Variants in KIAA0825 observed in about 807,000 individuals in gnomAD.
The protein encoded by KIAA0825 is uncharacterized protein KIAA0825.
Under a neutral mutation model 147.6 loss-of-function variants are expected in KIAA0825, and 119 were observed. That is an observed-to-expected ratio of 0.81 (90% confidence interval 0.69 to 0.94). The LOEUF (loss-of-function observed/expected upper bound fraction) is 0.94, where lower values mean the gene tolerates loss of function less well. KIAA0825 is among the 40% of genes least tolerant of loss of function. The pLI is 0.00. For missense variants in KIAA0825, 1,381 were observed against 1,472.7 expected (o/e 0.94, Z 1.02); for synonymous variants, 470 against 518.1 (o/e 0.91, Z 1.26).
At chr5:94,481,298 C>T (rs942173416) in intron 6 of KIAA0825, among the ~76,000 whole-genome samples, 2 of 152,056 alleles carry the variant, frequency 1.3e-5, no homozygotes, top group African/African-American at 2.4e-5. Context: ...TCTACACTGC[C>T]GCTTTCTTTC....
rs771486226 is a variant in KIAA0825, at chr5:94,182,250, CTT to C, written c.3711-28128_3711-28127del. ...CAAGACATAACTTAAAATGTCCCTT[CTT>C]TTTTTTTTTTTTTTTTTTTTTTTTT... On this transcript the variant is annotated intron_variant, in intron 20 of 20. Transcript: ENST00000682413. Among the ~76,000 whole-genome samples, 148 of 38,278 alleles carry C rather than the reference CTT, an allele frequency of 3.9e-3. 1 individual carries two copies. The highest frequency in any genetic ancestry group is 7.2e-3 in the South Asian group (4 of 556). 25.1% of individuals were successfully genotyped at this position (38,278 alleles called of 152,430 possible).
chr5:94,314,298 C>G (rs1779448837), intron 20 of KIAA0825, among the ~76,000 whole-genome samples: 1 of 151,598 alleles, frequency 6.6e-6, no homozygotes, highest in Non-Finnish European at 1.5e-5. Context: ...CCACATACAC[C>G]TCACATGGAT....
intron 20 of KIAA0825, among the ~76,000 whole-genome samples, chr5:94,200,735 A>C (rs570198591): frequency 6.6e-6 from 1 of 151,840 alleles, no homozygotes; most frequent in Non-Finnish European, 1.5e-5. Flanking sequence ...AAATGAAGCA[A>C]AACAAACCAA....
At chr5:94,315,211 C>T (rs1315430846) in intron 20 of KIAA0825, among the ~76,000 whole-genome samples, 1 of 151,544 alleles carries the variant, frequency 6.6e-6, no homozygotes, top group African/African-American at 2.4e-5. Flanking sequence ...CATACAAATA[C>T]TAAAAAGGCG....
intron 20 of KIAA0825, among the ~76,000 whole-genome samples, chr5:94,383,667 T>C (rs1379665790): frequency 6.6e-6 from 1 of 152,172 alleles, no homozygotes; most frequent in Non-Finnish European, 1.5e-5. Context: ...ACTGAAACTT[T>C]AAGTATTTAA....
chr5:94,502,515 G>T (rs1445127141), intron 5 of KIAA0825, among the ~76,000 whole-genome samples: 1 of 152,078 alleles, frequency 6.6e-6, no homozygotes. Context: ...TCTTATATGT[G>T]CATAAGAAAA....
rs146395295 is a variant in KIAA0825, at chr5:94,599,924, C to G, written c.-152-17341G>C. Among the ~76,000 whole-genome samples, 892 of 152,200 alleles carry G rather than the reference C, an allele frequency of 5.9e-3. 7 individuals carry two copies. Among genetic ancestry groups the G allele is most frequent in the African/African-American group, 0.02 (825 of 41,526 alleles). ...AACTCTAGATTAAGATCAATACTGT[C>G]ATGTGTTGTCCACCCCCCCAAAAAA... On this transcript the variant is annotated intron_variant, in intron 1 of 20. Transcript: ENST00000682413.
intron 5 of KIAA0825, among the ~76,000 whole-genome samples, chr5:94,511,587 A>G (rs1197402055): frequency 1.3e-5 from 2 of 151,342 alleles, no homozygotes; most frequent in Non-Finnish European, 3.0e-5. Flanking sequence ...GCCATTGCAC[A>G]CTCCAGCCCA....
chr5:94,197,602 T>C (rs1771253904), intron 20 of KIAA0825, among the ~76,000 whole-genome samples: 1 of 152,220 alleles, frequency 6.6e-6, no homozygotes, highest in Non-Finnish European at 1.5e-5. Context: ...TTTATAGTTT[T>C]AGGTCTTACA....
At position 94,329,366 on chromosome 5, in the gene KIAA0825, C is replaced by T. The variant is rs563508779; in HGVS notation, c.3710+55002G>A. On this transcript the variant is annotated intron_variant, in intron 20 of 20. Coordinates refer to ENST00000682413, the MANE Select transcript of KIAA0825 (RefSeq NM_001145678.3). The stretch of plus-strand genomic sequence containing the variant: ...AAAACTTTCCAGAAAAAATGTGAGA[C>T]TTGAATATACAGATTGAAAGGACAT... 1.8e-4 allele frequency among the ~76,000 whole-genome samples: 28 copies of T among 152,114 alleles called. No individual in the cohort carries two copies. In the East Asian group the frequency reaches 5.4e-3, roughly 29 times the overall value.
chr5:94,574,986 G>A (rs1329228073), intron 2 of KIAA0825, among the ~76,000 whole-genome samples: 2 of 152,094 alleles, frequency 1.3e-5, no homozygotes, highest in Non-Finnish European at 2.9e-5. Flanking sequence ...CATCAACTGG[G>A]GGCCCTTGTA....
At chr5:94,438,561 C>T (rs1861806) in intron 14 of KIAA0825, among the ~76,000 whole-genome samples, 65,972 of 151,510 alleles carry the variant, frequency 0.44, 14,641 homozygotes, top group Middle Eastern at 0.5. Flanking sequence ...GCCTTTCTGC[C>T]TGGAACACAG....
chr5:94,605,508 A>C (rs1371543019), intron 1 of KIAA0825, among the ~76,000 whole-genome samples: 1 of 152,190 alleles, frequency 6.6e-6, no homozygotes, highest in Non-Finnish European at 1.5e-5. Context: ...TCAGTGCAAA[A>C]ATCATCAAAA....
intron 12 of KIAA0825, among the ~76,000 whole-genome samples, chr5:94,458,153 T>G (rs1458258374): frequency 6.6e-6 from 1 of 152,156 alleles, no homozygotes; most frequent in Admixed American, 6.5e-5. Flanking sequence ...AGTAGCTACT[T>G]CACTTTCAAA....
intron 12 of KIAA0825, among the ~76,000 whole-genome samples, chr5:94,453,744 T>A (rs1277917379): frequency 6.6e-6 from 1 of 152,122 alleles, no homozygotes; most frequent in Non-Finnish European, 1.5e-5. Flanking sequence ...GACAAAACGA[T>A]GAAGAATAGT....
At chr5:94,407,742 T>A (rs1003233984) in intron 15 of KIAA0825, among the ~76,000 whole-genome samples, 10 of 152,154 alleles carry the variant, frequency 6.6e-5, no homozygotes, top group Non-Finnish European at 1.3e-4. Context: ...TGGTCTAAAA[T>A]TAAATGGTGC....
chr5:94,330,836 T>A (rs1453563905), intron 20 of KIAA0825, among the ~76,000 whole-genome samples: 6 of 151,954 alleles, frequency 3.9e-5, no homozygotes, highest in African/African-American at 1.5e-4. Flanking sequence ...CTTACTACTA[T>A]CAGAAATGAA....
intron 20 of KIAA0825, among the ~76,000 whole-genome samples, chr5:94,271,445 TGATCAAAA>T (rs1320062896): frequency 6.6e-6 from 1 of 152,114 alleles, no homozygotes; most frequent in African/African-American, 2.4e-5. Context: ...CATTTAAAAA[TGATCAAAA>T]GATCTGAATA....
intron 20 of KIAA0825, among the ~76,000 whole-genome samples, chr5:94,357,872 A>G (rs1337884962): frequency 2.6e-5 from 4 of 152,134 alleles, no homozygotes; most frequent in Non-Finnish European, 4.4e-5. Flanking sequence ...AAGTAACATG[A>G]ATGTAGTTTT....
Sources: gnomAD v4.1 joint callset for allele counts (sites outside exome capture counted in the v4.1 genomes callset) on GRCh38, gnomAD v4.1.1 for gene constraint, MANE v1.5 for transcripts, NCBI Gene and HGNC (gene_info 2026-07-23, HGNC 2026-07-21) for gene names.